The following CDH18 variants were observed in gnomAD, a reference collection of about 807,000 sequenced individuals.
CDH18 encodes cadherin 18, also known as cadherin-18.
Under a neutral mutation model 67.9 loss-of-function variants are expected in CDH18, and 31 were observed. The observed-to-expected ratio is 0.46, with a 90% CI of 0.34 to 0.62. The LOEUF is 0.62. CDH18 is among the 20% of genes least tolerant of loss of function. CDH18 has a pLI of 0.01. For synonymous variants in CDH18, 362 were observed against 347.2 expected, an observed-to-expected ratio of 1.04 and a Z score of -0.48; for missense variants, 890 against 975.5, an observed-to-expected ratio of 0.91 and a Z score of 1.17.
chr5:19,577,855 G>C (rs1466263247), intron 7 of CDH18, among the ~76,000 whole-genome samples: 1 of 152,172 alleles, frequency 6.6e-6, no homozygotes, highest in Admixed American at 6.5e-5. Flanking sequence ...TATAAGAAGA[G>C]GTGATAATCC....
chr5:19,974,556 CAGAGCACACTTATGGGA>C (rs1370256481), intron 2 of CDH18, among the ~76,000 whole-genome samples: 1 of 148,896 alleles, frequency 6.7e-6, no homozygotes, highest in East Asian at 2.0e-4. Flanking sequence ...GGGAAGTTTC[CAGAGCACACTTATGGGA>C]AGGACCATTA....
chr5:19,986,472 C>T (rs756747014), intron 1 of CDH18, among the ~76,000 whole-genome samples: 1 of 152,156 alleles, frequency 6.6e-6, no homozygotes, highest in Non-Finnish European at 1.5e-5. Context: ...TCAATCTTGA[C>T]CATTGGTATC....
intron 3 of CDH18, among the ~76,000 whole-genome samples, chr5:19,775,550 A>T (rs928486721): frequency 6.6e-6 from 1 of 151,638 alleles, no homozygotes; most frequent in African/African-American, 2.4e-5. Flanking sequence ...AGTGGGGGGG[A>T]GATGCCACAC....
At chr5:19,688,628 TA>T (rs1761444125) in intron 5 of CDH18, among the ~76,000 whole-genome samples, 1 of 151,386 alleles carries the variant, frequency 6.6e-6, no homozygotes, top group African/African-American at 2.4e-5. Context: ...TCAAGAAAAA[TA>T]AAAAAGCAAG....
intron 3 of CDH18, among the ~76,000 whole-genome samples, chr5:19,795,004 G>A (rs1776713384): frequency 6.6e-6 from 1 of 151,936 alleles, no homozygotes; most frequent in Admixed American, 6.6e-5. Context: ...ACAGAAAAAG[G>A]CTACCCAGGC....
At chr5:20,354,541 T>G (rs1180643586) in intron 1 of CDH18, among the ~76,000 whole-genome samples, 2 of 152,112 alleles carry the variant, frequency 1.3e-5, no homozygotes, top group Admixed American at 1.3e-4. Flanking sequence ...CAAATGGGAC[T>G]TCAGGTGTGC....
At chr5:20,230,877 C>T (rs16899250) in intron 2 of CDH18, among the ~76,000 whole-genome samples, 3,562 of 152,170 alleles carry the variant, frequency 0.023, 126 homozygotes, top group African/African-American at 0.079. Context: ...TCTTTGCAGG[C>T]TAAAGCTCTA....
At chr5:19,674,583 A>T (rs771741435) in intron 5 of CDH18, among the ~76,000 whole-genome samples, 3 of 152,128 alleles carry the variant, frequency 2.0e-5, no homozygotes, top group Non-Finnish European at 2.9e-5. Context: ...AATTGACATC[A>T]CAGACTTTAT....
intron 1 of CDH18, among the ~76,000 whole-genome samples, chr5:20,336,827 C>T (rs142774849): frequency 2.7e-5 from 4 of 149,282 alleles, no homozygotes; most frequent in East Asian, 2.0e-4. Context: ...AATAAATCAA[C>T]CTAAATGTCC....
intron 1 of CDH18, among the ~76,000 whole-genome samples, chr5:20,521,592 C>T (rs540033365): frequency 1.1e-4 from 16 of 151,990 alleles, no homozygotes; most frequent in African/African-American, 2.7e-4. Flanking sequence ...TCTTTTAAAG[C>T]GGAGCAGATA....
rs552755129 is a variant in CDH18 at position 19,702,544 on chromosome 5, T to A, written c.643+18803A>T. ...ACTTTGGGAGTCCAAGACAGGTTGA[T>A]CAGCTGAGGTCAGGAGTTCAAGACC... On this transcript the variant is annotated intron_variant, in intron 5 of 12. Coordinates refer to ENST00000382275, the MANE Select transcript of CDH18 (RefSeq NM_004934.5). Among the ~76,000 whole-genome samples, 196 of 151,242 alleles carry A rather than the reference T, an allele frequency of 1.3e-3. 1 individual carries two copies. The highest frequency in any genetic ancestry group is 4.6e-3 in the African/African-American group (190 of 41,358).
chr5:20,048,357 G>GA (rs569177384), intron 2 of CDH18, among the ~76,000 whole-genome samples: 10 of 150,522 alleles, frequency 6.6e-5, no homozygotes, highest in Admixed American at 1.3e-4. Context: ...TCTAGTTTTT[G>GA]AAAAAAAATA....
intron 2 of CDH18, among the ~76,000 whole-genome samples, chr5:20,080,880 G>A (rs1392615693): frequency 1.3e-5 from 2 of 152,112 alleles, no homozygotes; most frequent in East Asian, 1.9e-4. Flanking sequence ...GATCAGAGCA[G>A]GTAAATATAA....
At chr5:19,788,539 C>A (rs562336445) in intron 3 of CDH18, among the ~76,000 whole-genome samples, 1 of 152,266 alleles carries the variant, frequency 6.6e-6, no homozygotes, top group African/African-American at 2.4e-5. Flanking sequence ...TGTATATCCA[C>A]TCAAACTTGC....
At chr5:20,476,652 T>A (rs1198320601) in intron 1 of CDH18, among the ~76,000 whole-genome samples, 2 of 152,168 alleles carry the variant, frequency 1.3e-5, no homozygotes, top group African/African-American at 2.4e-5. Context: ...TTTAGAATAT[T>A]TTGTGTTGCC....
chr5:20,496,521 G>T lies in CDH18; in HGVS notation c.-580+78941C>A, dbSNP rs558716653. The stretch of plus-strand genomic sequence containing the variant: ...ATACCATTATTTAAAATATACAATT[G>T]ATAAAAAATTATGGTGATTATTTAA... On this transcript the variant is annotated intron_variant, in intron 1 of 14. Coordinates refer to the CDH18 transcript ENST00000507958. 7.9e-5 allele frequency among the ~76,000 whole-genome samples: 12 copies of T among 152,112 alleles called. No individual in the cohort carries two copies. The South Asian group carries it at 2.5e-3, about 32-fold the overall frequency.
At chr5:20,252,602 A>G (rs1312028582) in intron 2 of CDH18, among the ~76,000 whole-genome samples, 2 of 152,064 alleles carry the variant, frequency 1.3e-5, no homozygotes, top group Non-Finnish European at 2.9e-5. Context: ...AGTTGGCATA[A>G]TGTCAATGCA....
chr5:20,548,439 TTGTGTGTG>T lies in CDH18; in HGVS notation c.-580+27015_-580+27022del, dbSNP rs70954668. Among the ~76,000 whole-genome samples the T allele has an allele frequency of 3.8e-3, 557 of 146,836 alleles. 7 individuals are homozygous for T. Among genetic ancestry groups the T allele is most frequent in the African/African-American group, 0.013 (526 of 40,130 alleles). Reference sequence around the variant, plus strand: ...GATTGTCAGGTAATAGAGAACATGTTTGTGTGTGTGTGTGTGTGTGTGTGTGTATACAC... The same window carrying T: ...GATTGTCAGGTAATAGAGAACATGTTTGTGTGTGTGTGTGTGTGTATACAC... On this transcript the variant is annotated intron_variant, in intron 1 of 14. Transcript: ENST00000507958.
At chr5:19,768,142 G>A (rs1044493480) in intron 3 of CDH18, among the ~76,000 whole-genome samples, 1 of 151,986 alleles carries the variant, frequency 6.6e-6, no homozygotes, top group Admixed American at 6.6e-5. Context: ...ATGGTTCCTC[G>A]GAAGACCCCA....
Sources: gnomAD v4.1 joint callset for allele counts (sites outside exome capture counted in the v4.1 genomes callset) on GRCh38, gnomAD v4.1.1 for gene constraint, MANE v1.5 for transcripts, NCBI Gene and HGNC (gene_info 2026-07-23, HGNC 2026-07-21) for gene names.